The following LARP1 variants were observed in gnomAD, a reference collection of about 807,000 sequenced individuals.
The protein encoded by LARP1 is La ribonucleoprotein 1, translational regulator.
A neutral mutation model predicts 122.7 loss-of-function variants in LARP1; 36 were observed. That is an observed-to-expected ratio of 0.29 (90% confidence interval 0.22 to 0.39). The LOEUF (loss-of-function observed/expected upper bound fraction) is 0.39, where lower values mean the gene tolerates loss of function less well. LARP1 is among the 10% of genes least tolerant of loss of function. LARP1 has a pLI of 1.00. For synonymous variants in LARP1, 539 were observed against 528.7 expected, an observed-to-expected ratio of 1.02 and a Z score of -0.27; for missense variants, 1,040 against 1,403.6, an observed-to-expected ratio of 0.74 and a Z score of 4.14.
intron 1 of LARP1, among the ~76,000 whole-genome samples, chr5:154,698,536 G>A (rs1754576385): frequency 6.6e-6 from 1 of 152,188 alleles, no homozygotes; most frequent in Admixed American, 6.6e-5. Flanking sequence ...GGCGGAGGTT[G>A]CATTGAGCTG....
At chr5:154,792,401 G>A (rs1757417373) in intron 3 of LARP1, among the ~76,000 whole-genome samples, 1 of 152,164 alleles carries the variant, frequency 6.6e-6, no homozygotes, top group South Asian at 2.1e-4. Flanking sequence ...ACTTAGACTT[G>A]GAAGCTGGAG....
At chr5:154,799,329 A>G (rs1181346469) in intron 8 of LARP1, among the ~76,000 whole-genome samples, 1 of 152,218 alleles carries the variant, frequency 6.6e-6, no homozygotes, top group South Asian at 2.1e-4. Flanking sequence ...TGTTTGTGCA[A>G]GTGTTCTCTA....
chr5:154,691,255 C>T (rs1168645554), intron 1 of LARP1, among the ~76,000 whole-genome samples: 44 of 114,604 alleles, frequency 3.8e-4, no homozygotes, highest in Non-Finnish European at 6.0e-4. Context: ...GAGGGAGACT[C>T]CGTCTCAAAA....
rs774050826 is a variant in LARP1 at position 154,794,171 on chromosome 5, A to T, written c.1141A>T (p.Asn381Tyr). The T allele has an allele frequency of 6.2e-7, 1 of 1,614,190 alleles. No individual in the cohort carries two copies. The highest frequency in any genetic ancestry group is 1.7e-5 in the Admixed American group (1 of 60,012). The change falls in exon 7 of 19, where the codon AAC becomes TAC. Residue 381 changes from asparagine (N) to tyrosine (Y), a missense_variant. Physicochemically the swap from Asn to Tyr is moderately radical, Grantham distance 143. This residue lies in a region of LARP1 where 362 missense variants were observed against 533.1 expected (regional missense o/e 0.68). Transcript: ENST00000518297. ...GGGGCCTCGTACGCCCAAGTACATG[A>T]ACAACATCACCTACTACTTTGACAA... ...VEGPRTPKYM[N>Y]NITYYFDNVS...
At chr5:154,811,452 C>T in intron 17 of LARP1, 61 bp from the exon 18 acceptor site, 6 of 1,612,386 alleles carry the variant, frequency 3.7e-6, no homozygotes, top group Non-Finnish European at 5.1e-6. Flanking sequence ...ACAACACCTC[C>T]CTCTCTCCTC....
intron 4 of LARP1, 51 bp from the exon 5 acceptor site, chr5:154,793,544 A>G (rs772940775): frequency 8.1e-6 from 13 of 1,612,388 alleles, no homozygotes; most frequent in Non-Finnish European, 1.7e-6. Flanking sequence ...AGAGCTGGCT[A>G]GGAGTGGCCT....
At chr5:154,738,414 A>T (rs1020185509) in intron 1 of LARP1, among the ~76,000 whole-genome samples, 2 of 152,182 alleles carry the variant, frequency 1.3e-5, no homozygotes, top group African/African-American at 4.8e-5. Flanking sequence ...CAACATGGCG[A>T]AACCTTGTCT....
intron 1 of LARP1, among the ~76,000 whole-genome samples, chr5:154,697,863 T>C (rs1048190977): frequency 6.6e-6 from 1 of 152,190 alleles, no homozygotes. Flanking sequence ...TCTCACTCTA[T>C]CCTCCAGGCT....
intron 1 of LARP1, among the ~76,000 whole-genome samples, chr5:154,765,284 G>A (rs1380589426): frequency 6.6e-6 from 1 of 152,116 alleles, no homozygotes; most frequent in African/African-American, 2.4e-5. Context: ...GATCACTGTG[G>A]TGGAAATGCC....
intron 1 of LARP1, among the ~76,000 whole-genome samples, chr5:154,704,357 AG>A (rs1268498953): frequency 6.6e-6 from 1 of 152,158 alleles, no homozygotes; most frequent in African/African-American, 2.4e-5. Context: ...GTCAAAGAAT[AG>A]GGAACAGGCT....
At chr5:154,789,219 CTTT>C (rs757782683) in intron 1 of LARP1, among the ~76,000 whole-genome samples, 1 of 91,372 alleles carries the variant, frequency 1.1e-5, no homozygotes, top group Non-Finnish European at 2.0e-5. Flanking sequence ...TCAAAACAAA[CTTT>C]TTTTTTTTTT....
At chr5:154,692,491 G>A (rs145792569) in intron 1 of LARP1, among the ~76,000 whole-genome samples, 139 of 152,110 alleles carry the variant, frequency 9.1e-4, no homozygotes, top group Non-Finnish European at 1.7e-3. Flanking sequence ...ACTTCCTCAA[G>A]CTTGTCATTG....
intron 1 of LARP1, among the ~76,000 whole-genome samples, chr5:154,785,128 T>G (rs1252591878): frequency 6.6e-6 from 1 of 152,246 alleles, no homozygotes; most frequent in African/African-American, 2.4e-5. Context: ...CATTTTAAAC[T>G]ACAAAGTTTG....
At chr5:154,786,348 T>G (rs920251626) in intron 1 of LARP1, 5 of 403,016 alleles carry the variant, frequency 1.2e-5, no homozygotes, top group Admixed American at 2.8e-5. Context: ...GCTGGTATGC[T>G]TCATTTTTAA....
chr5:154,789,549 G>T (rs530876408), intron 1 of LARP1, among the ~76,000 whole-genome samples: 1 of 152,102 alleles, frequency 6.6e-6, no homozygotes, highest in South Asian at 2.1e-4. Flanking sequence ...TATTGTGTCC[G>T]TCATTTTATA....
intron 1 of LARP1, among the ~76,000 whole-genome samples, chr5:154,719,459 ATGACAAAGGAAACCAAT>A (rs1755719479): frequency 6.6e-6 from 1 of 152,254 alleles, no homozygotes; most frequent in Non-Finnish European, 1.5e-5. Context: ...AATACATAGG[ATGACAAAGGAAACCAAT>A]CATCCTGAAA....
rs2113090688 is a variant in LARP1, at chr5:154,816,264, C to CCTTTCCTTT, written c.*2177_*2185dup. The CCTTTCCTTT allele has an allele frequency of 6.5e-6, 1 of 153,436 alleles. No homozygotes were observed. The highest frequency in any genetic ancestry group is 2.4e-5 in the African/African-American group (1 of 41,608). 9.5% of individuals were successfully genotyped at this position (153,436 alleles called of 1,614,324 possible). Reference sequence around the variant, plus strand: ...ACACTGGATTCCTGGACCCCCTTCTCCTTTCCTTTCTTTCCTTCAGGTCAC... The same window carrying CCTTTCCTTT: ...ACACTGGATTCCTGGACCCCCTTCTCCTTTCCTTTCTTTCCTTTCTTTCCTTCAGGTCAC... On this transcript the variant is annotated 3_prime_UTR_variant, in exon 19 of 19. Transcript: ENST00000518297.
chr5:154,703,148 G>T (rs900552699), intron 1 of LARP1, among the ~76,000 whole-genome samples: 4 of 104,580 alleles, frequency 3.8e-5, no homozygotes, highest in Admixed American at 9.4e-5. Context: ...AAAAAAAAAA[G>T]AGAGGACACT....
intron 1 of LARP1, among the ~76,000 whole-genome samples, chr5:154,727,356 A>G (rs1399982582): frequency 6.6e-6 from 1 of 152,240 alleles, no homozygotes; most frequent in Non-Finnish European, 1.5e-5. Context: ...GAGCAATAAT[A>G]AAACGGATAG....
Sources: gnomAD v4.1 joint callset for allele counts (sites outside exome capture counted in the v4.1 genomes callset) on GRCh38, gnomAD v4.1.1 for gene constraint, gnomAD v4.1.1 regional missense constraint, MANE v1.5 for transcripts, NCBI Gene and HGNC (gene_info 2026-07-23, HGNC 2026-07-21) for gene names.